Variants in ARPP21 observed in about 807,000 individuals in gnomAD.
ARPP21 encodes cAMP regulated phosphoprotein 21, also known as cAMP-regulated phosphoprotein 21.
Under a neutral mutation model 113.2 loss-of-function variants are expected in ARPP21, and 69 were observed. The ratio of observed to expected loss-of-function variants is 0.61; its 90% CI spans 0.50 to 0.74. The LOEUF (loss-of-function observed/expected upper bound fraction) is 0.74. Ranked by LOEUF, ARPP21 falls within the 30% of genes least tolerant of loss-of-function variation. The pLI is 0.00. For missense variants in ARPP21, 1,070 were observed against 1,037.4 expected (o/e 1.03, Z -0.43); for synonymous variants, 368 against 375.5 (o/e 0.98, Z 0.23).
intron 19 of ARPP21, among the ~76,000 whole-genome samples, chr3:35,764,553 T>C (rs2095889096): frequency 6.6e-6 from 1 of 152,136 alleles, no homozygotes; most frequent in Admixed American, 6.6e-5. Context: ...AGATACTGAT[T>C]TATGACAGTG....
intron 19 of ARPP21, among the ~76,000 whole-genome samples, chr3:35,783,825 A>G (rs142239179): frequency 3.4e-4 from 52 of 152,276 alleles, no homozygotes; most frequent in African/African-American, 5.1e-4. Flanking sequence ...CTATGCCTGT[A>G]TATTTACAAT....
At chr3:35,662,652 A>G (rs1708346548) in intron 1 of ARPP21, among the ~76,000 whole-genome samples, 1 of 152,194 alleles carries the variant, frequency 6.6e-6, no homozygotes, top group South Asian at 2.1e-4. Context: ...CAGGGCTTCT[A>G]GTACCCTCTT....
intron 1 of ARPP21, among the ~76,000 whole-genome samples, chr3:35,676,082 T>C (rs60429217): frequency 0.37 from 56,882 of 151,750 alleles, 10,969 homozygotes; most frequent in East Asian, 0.48. Flanking sequence ...TGTTAGTTCC[T>C]CTGAATAACA....
chr3:35,741,979 T>TATC (rs1256753047), intron 18 of ARPP21, among the ~76,000 whole-genome samples: 5 of 152,078 alleles, frequency 3.3e-5, no homozygotes, highest in African/African-American at 1.2e-4. Context: ...CTTGTGAAGG[T>TATC]ATCACAGAAG....
At chr3:35,791,434 A>G (rs2096745652) in intron 19 of ARPP21, among the ~76,000 whole-genome samples, 1 of 152,168 alleles carries the variant, frequency 6.6e-6, no homozygotes, top group African/African-American at 2.4e-5. Context: ...AGCTTATTAT[A>G]CAGCATAAAA....
At chr3:35,680,475 T>A (rs2078582511) in intron 2 of ARPP21, among the ~76,000 whole-genome samples, 2 of 151,956 alleles carry the variant, frequency 1.3e-5, no homozygotes. Context: ...CCATCTGTTT[T>A]GTCATGGTAG....
chr3:35,743,528 G>T (rs971655282), intron 18 of ARPP21, among the ~76,000 whole-genome samples: 3 of 152,136 alleles, frequency 2.0e-5, no homozygotes, highest in Non-Finnish European at 4.4e-5. Flanking sequence ...TTATCTCTTG[G>T]CTGGGTTCCC....
At chr3:35,793,574 A>T in intron 20 of ARPP21, 127 bp from the exon 21 acceptor site, 1 of 671,040 alleles carries the variant, frequency 1.5e-6, no homozygotes, top group East Asian at 2.6e-5. Context: ...GATAAATGGC[A>T]GAGCTGGAAT....
intron 1 of ARPP21, among the ~76,000 whole-genome samples, chr3:35,661,340 C>T (rs1453068589): frequency 6.6e-6 from 1 of 152,030 alleles, no homozygotes; most frequent in Non-Finnish European, 1.5e-5. Flanking sequence ...AAAACTTCAC[C>T]TCCTCCAGGC....
chr3:35,685,463 C>T, intron 5 of ARPP21: 5 of 985,210 alleles, frequency 5.1e-6, no homozygotes, highest in Non-Finnish European at 6.0e-6. Flanking sequence ...AATAAAGAAA[C>T]AGACTTTTGA....
intron 1 of ARPP21, among the ~76,000 whole-genome samples, chr3:35,679,292 T>C (rs1003099687): frequency 1.3e-5 from 2 of 151,886 alleles, no homozygotes; most frequent in Non-Finnish European, 2.9e-5. Context: ...TTATAGAGAA[T>C]GTTTCATTAA....
intron 19 of ARPP21, among the ~76,000 whole-genome samples, chr3:35,769,112 A>G (rs1053613977): frequency 6.6e-6 from 1 of 152,178 alleles, no homozygotes; most frequent in Non-Finnish European, 1.5e-5. Context: ...ACATGATTAT[A>G]TATGCATATG....
chr3:35,664,800 G>T (rs574703781), intron 1 of ARPP21, among the ~76,000 whole-genome samples: 3 of 152,258 alleles, frequency 2.0e-5, no homozygotes, highest in South Asian at 4.1e-4. Context: ...GCTGAGACTT[G>T]GTCTGCTGCC....
intron 19 of ARPP21, among the ~76,000 whole-genome samples, chr3:35,778,735 G>A (rs920274273): frequency 7.1e-4 from 82 of 115,544 alleles, no homozygotes; most frequent in African/African-American, 2.6e-3. Context: ...CTACTAAACT[G>A]TATGGTCTGA....
chr3:35,647,720 C>T (rs1257105149), intron 1 of ARPP21, among the ~76,000 whole-genome samples: 1 of 152,122 alleles, frequency 6.6e-6, no homozygotes, highest in African/African-American at 2.4e-5. Context: ...AATAGTGTGA[C>T]TATGGCCAAA....
chr3:35,763,642 A>G (rs1449032785), intron 19 of ARPP21, among the ~76,000 whole-genome samples: 1 of 152,170 alleles, frequency 6.6e-6, no homozygotes, highest in Non-Finnish European at 1.5e-5. Flanking sequence ...GTAAAATTGA[A>G]TAGATATTAC....
intron 1 of ARPP21, among the ~76,000 whole-genome samples, chr3:35,655,365 C>T (rs922043187): frequency 1.3e-5 from 2 of 151,658 alleles, no homozygotes; most frequent in Admixed American, 6.6e-5. Context: ...TTTTTTCTTT[C>T]TGAATTCACT....
At chr3:35,707,746 A>T (rs1046294031) in intron 10 of ARPP21, among the ~76,000 whole-genome samples, 24 of 151,938 alleles carry the variant, frequency 1.6e-4, no homozygotes, top group Non-Finnish European at 2.9e-4. Flanking sequence ...GAGTAGCCTT[A>T]TTTGTGGTAC....
At chr3:35,694,447 G>A (rs2083192569) in intron 9 of ARPP21, among the ~76,000 whole-genome samples, 1 of 150,954 alleles carries the variant, frequency 6.6e-6, no homozygotes, top group South Asian at 2.1e-4. Context: ...ACATTTTCAT[G>A]AGGTAAATGT....
Sources: gnomAD v4.1 joint callset for allele counts (sites outside exome capture counted in the v4.1 genomes callset) on GRCh38, gnomAD v4.1.1 for gene constraint, MANE v1.5 for transcripts, NCBI Gene and HGNC (gene_info 2026-07-23, HGNC 2026-07-21) for gene names.